DGCR2: variants seen among roughly 807,000 people sequenced by gnomAD.
DGCR2 encodes the protein DiGeorge syndrome critical region gene 2, also known as integral membrane protein DGCR2/IDD.
A neutral mutation model predicts 51.6 loss-of-function variants in DGCR2; 24 were observed. The observed-to-expected ratio is 0.47, with a 90% CI of 0.34 to 0.65. DGCR2 has a LOEUF of 0.65. Among genes scored for constraint, DGCR2 ranks in the 30% least tolerant of loss-of-function variants. The pLI, the probability that DGCR2 is intolerant of heterozygous loss-of-function variation, is 0.01. For synonymous variants in DGCR2, 340 were observed against 315.4 expected, an observed-to-expected ratio of 1.08 and a Z score of -0.82; for missense variants, 765 against 772.1, an observed-to-expected ratio of 0.99 and a Z score of 0.11.
intron 1 of DGCR2, among the ~76,000 whole-genome samples, chr22:19,117,110 G>A (rs1158182135): frequency 6.6e-6 from 1 of 152,130 alleles, no homozygotes; most frequent in Admixed American, 6.5e-5. Context: ...CTGCTAAGAG[G>A]ATCTGTGCGT....
At chr22:19,122,078 C>A in intron 1 of DGCR2, 50 bp downstream of exon 1, 1 of 1,383,824 alleles carries the variant, frequency 7.2e-7, no homozygotes. Flanking sequence ...GGGGCGACCC[C>A]GGCCCCGCTC....
At chr22:19,121,379 G>A (rs945266556) in intron 1 of DGCR2, 1 of 152,160 alleles carries the variant, frequency 6.6e-6, no homozygotes. Flanking sequence ...TGTGCCTGAT[G>A]GATACATCGG....
chr22:19,111,334 T>C (rs976582612), intron 1 of DGCR2, among the ~76,000 whole-genome samples: 1 of 152,152 alleles, frequency 6.6e-6, no homozygotes, highest in Admixed American at 6.5e-5. Context: ...AGTGAAAAGG[T>C]GCCCGGTTCT....
intron 3 of DGCR2, 135 bp from the exon 4 acceptor site, chr22:19,065,202 A>T (rs2082735007): frequency 1.4e-6 from 1 of 724,886 alleles, no homozygotes; most frequent in African/African-American, 1.8e-5. Context: ...CAAGAGGACA[A>T]GGTCTGCTTC....
chr22:19,120,398 G>C (rs1258279602), intron 1 of DGCR2, among the ~76,000 whole-genome samples: 1 of 152,156 alleles, frequency 6.6e-6, no homozygotes, highest in Non-Finnish European at 1.5e-5. Flanking sequence ...ACACACAGGA[G>C]TGTGACAAGT....
At position 19,122,339 on chromosome 22, in the gene DGCR2, G is replaced by T; in HGVS notation, c.-133C>A. On this transcript the variant is annotated 5_prime_UTR_variant, in exon 1 of 10. Transcript: ENST00000263196. ...AGGCGCGGAGAGGCGGCGGGAAAGA[G>T]CTTCGGCTGGGCCGCGGGCTGGCGC... 1 of 674,732 alleles carries T rather than the reference G, an allele frequency of 1.5e-6. No homozygotes were observed. The highest frequency in any genetic ancestry group is 2.4e-5 in the South Asian group (1 of 41,038). 41.8% of individuals were successfully genotyped at this position (674,732 alleles called of 1,614,324 possible).
At chr22:19,046,001 T>G (rs981566797) in intron 7 of DGCR2, among the ~76,000 whole-genome samples, 3 of 152,210 alleles carry the variant, frequency 2.0e-5, no homozygotes, top group Non-Finnish European at 4.4e-5. Flanking sequence ...GTGCTGGGAT[T>G]ACAGGTGCGA....
At chr22:19,059,982 C>G (rs1455752410) in intron 5 of DGCR2, among the ~76,000 whole-genome samples, 1 of 152,174 alleles carries the variant, frequency 6.6e-6, no homozygotes, top group South Asian at 2.1e-4. Flanking sequence ...CTCGCCACCT[C>G]CACAGCCACA....
At chr22:19,068,540 C>G (rs889090335) in intron 2 of DGCR2, among the ~76,000 whole-genome samples, 39 of 152,242 alleles carry the variant, frequency 2.6e-4, no homozygotes, top group African/African-American at 9.2e-4. Context: ...AAATTAAAAT[C>G]CCTCAGCAGT....
Position 19,038,805 on chromosome 22 carries a change from G to C in DGCR2, c.*60C>G. The stretch of plus-strand genomic sequence containing the variant: ...CAGGGGCCTTTCAAGTCTCCCCAGG[G>C]ACCGGTGTTTTCTACAACAGACAGG... On this transcript the variant is annotated 3_prime_UTR_variant, in exon 10 of 10. Coordinates refer to ENST00000263196, the MANE Select transcript of DGCR2 (RefSeq NM_005137.3). The C allele has an allele frequency of 6.3e-7, 1 of 1,577,080 alleles. No individual in the cohort carries two copies.
At position 19,064,972 on chromosome 22, in the gene DGCR2, C is replaced by T. The variant is rs763711653; in HGVS notation, c.424G>A (p.Ala142Thr). The T allele has an allele frequency of 3.7e-6, 6 of 1,613,986 alleles. No individual in the cohort carries two copies. Among genetic ancestry groups the T allele is most frequent in the South Asian group, 3.3e-5 (3 of 91,090 alleles). ...CCATTCAGGCGCTGGCAGGTCTGCGCGGCATCCCAGTAGTTCTCCCCGCTC... is the reference window on the plus strand; with the variant it reads ...CCATTCAGGCGCTGGCAGGTCTGCGTGGCATCCCAGTAGTTCTCCCCGCTC... The part of the protein sequence containing the change: ...YLSGENYWDA[A>T]QTCQRLNGSL... The change falls in exon 4 of 10, where the codon GCG becomes ACG. Residue 142 changes from alanine (A) to threonine (T), a missense_variant. Ala to Thr is a moderately conservative substitution (Grantham distance 58). Coordinates refer to ENST00000263196, the MANE Select transcript of DGCR2 (RefSeq NM_005137.3).
chr22:19,111,743 G>A (rs1167804809), intron 1 of DGCR2, among the ~76,000 whole-genome samples: 1 of 152,140 alleles, frequency 6.6e-6, no homozygotes, highest in Non-Finnish European at 1.5e-5. Flanking sequence ...GAAACACAAA[G>A]GGTGATGGCT....
At chr22:19,081,273 T>C (rs187620780) in intron 2 of DGCR2, among the ~76,000 whole-genome samples, 2 of 152,378 alleles carry the variant, frequency 1.3e-5, no homozygotes, top group Non-Finnish European at 2.9e-5. Flanking sequence ...CCCAGTCTTA[T>C]ATCCCTCTGT....
rs369832138 is a variant in DGCR2, at chr22:19,040,387, G to A, written c.1396+671C>T. Among the ~76,000 whole-genome samples, 90 of 152,360 alleles carry A rather than the reference G, an allele frequency of 5.9e-4. 1 individual carries two copies. The highest frequency in any genetic ancestry group is 2.1e-3 in the African/African-American group (87 of 41,586). On this transcript the variant is annotated intron_variant, in intron 9 of 9. Transcript: ENST00000263196. Reference sequence around the variant, plus strand: ...TGCAAGGAGCCAGCCACTTTGGGGTGGCACTGCCTACCAAATATACTACAG... The same window carrying A: ...TGCAAGGAGCCAGCCACTTTGGGGTAGCACTGCCTACCAAATATACTACAG...
At chr22:19,062,839 T>G (rs1003388280) in intron 5 of DGCR2, among the ~76,000 whole-genome samples, 3 of 148,900 alleles carry the variant, frequency 2.0e-5, no homozygotes, top group Non-Finnish European at 4.5e-5. Context: ...AGGTCTGGAT[T>G]CTACGTCTGA....
rs1352838935 is a variant in DGCR2, at chr22:19,064,967, C to T, written c.429G>A (p.Gln143=). ...GAGAGCCATTCAGGCGCTGGCAGGTCTGCGCGGCATCCCAGTAGTTCTCCC... is the reference window on the plus strand; with the variant it reads ...GAGAGCCATTCAGGCGCTGGCAGGTTTGCGCGGCATCCCAGTAGTTCTCCC... ...LSGENYWDAA[Q]TCQRLNGSLA... is the part of the protein sequence containing the mutation. The change falls in exon 4 of 10, where the codon CAG becomes CAA. Residue 143 remains glutamine, a synonymous_variant. Coordinates refer to ENST00000263196, the MANE Select transcript of DGCR2 (RefSeq NM_005137.3). 6.2e-7 allele frequency: 1 copy of T among 1,614,016 alleles called. No individual in the cohort carries two copies. The highest frequency in any genetic ancestry group is 8.5e-7 in the Non-Finnish European group (1 of 1,180,044).
chr22:19,049,157 C>G (rs575658161), intron 6 of DGCR2, among the ~76,000 whole-genome samples: 1 of 152,214 alleles, frequency 6.6e-6, no homozygotes, highest in Non-Finnish European at 1.5e-5. Context: ...AAGTAGATTA[C>G]TTATGAGATT....
chr22:19,104,837 T>A (rs541727188), intron 1 of DGCR2, among the ~76,000 whole-genome samples: 3 of 152,200 alleles, frequency 2.0e-5, no homozygotes, highest in Admixed American at 2.0e-4. Flanking sequence ...TCACCTTCCA[T>A]ACAAGTTGCT....
intron 7 of DGCR2, among the ~76,000 whole-genome samples, chr22:19,042,326 C>T (rs1453129750): frequency 6.6e-6 from 1 of 152,212 alleles, no homozygotes; most frequent in African/African-American, 2.4e-5. Flanking sequence ...GAGCGGCCCT[C>T]CTGCAGAGGT....
Sources: gnomAD v4.1 joint callset for allele counts (sites outside exome capture counted in the v4.1 genomes callset) on GRCh38, gnomAD v4.1.1 for gene constraint, MANE v1.5 for transcripts, NCBI Gene and HGNC (gene_info 2026-07-23, HGNC 2026-07-21) for gene names.